SNX25: variants seen among roughly 807,000 people sequenced by gnomAD.
The protein encoded by SNX25 is sorting nexin 25.
SNX25 carries 62 observed loss-of-function variants against 113.7 expected under a neutral mutation model. That is an observed-to-expected ratio of 0.55 (90% CI 0.44 to 0.67). The LOEUF is 0.67. Among genes scored for constraint, SNX25 ranks in the 30% least tolerant of loss-of-function variants. The pLI, the probability that SNX25 is intolerant of heterozygous loss-of-function variation, is 0.00. For synonymous variants in SNX25, 421 were observed against 436.2 expected, an observed-to-expected ratio of 0.97 and a Z score of 0.43; for missense variants, 1,014 against 1,161.0, an observed-to-expected ratio of 0.87 and a Z score of 1.84.
intron 6 of SNX25, among the ~76,000 whole-genome samples, chr4:185,303,156 T>A (rs1175401100): frequency 6.6e-6 from 1 of 152,154 alleles, no homozygotes; most frequent in African/African-American, 2.4e-5. Flanking sequence ...CGTCCTGGGC[T>A]CCTGCTCACA....
At chr4:185,251,595 T>C (rs995623680) in intron 2 of SNX25, among the ~76,000 whole-genome samples, 31 of 125,198 alleles carry the variant, frequency 2.5e-4, no homozygotes, top group African/African-American at 8.4e-4. Flanking sequence ...TGATATTCCA[T>C]TGCGTGTGTG....
rs148713947 is a variant in SNX25, at chr4:185,345,908, A to T, written c.2188-629A>T. 7.0e-3 allele frequency among the ~76,000 whole-genome samples: 1,058 copies of T among 152,198 alleles called. 15 individuals are homozygous for T. The highest frequency in any genetic ancestry group is 0.024 in the African/African-American group (1,001 of 41,512). On this transcript the variant is annotated intron_variant, in intron 12 of 18. Transcript: ENST00000652585. ...GGTCTCACTCTGTCTCCCAGGCCCA[A>T]GTGCAGTGGTGCAACATCAGCTCAC...
upstream of SNX25, among the ~76,000 whole-genome samples, chr4:185,207,280 G>A (rs148417812): frequency 6.2e-4 from 87 of 139,796 alleles, no homozygotes; most frequent in East Asian, 3.8e-3. Flanking sequence ...GCAGTGGTGC[G>A]ATCTCGGCTC....
At chr4:185,239,101 A>G (rs550656118) in intron 1 of SNX25, among the ~76,000 whole-genome samples, 2 of 152,322 alleles carry the variant, frequency 1.3e-5, no homozygotes, top group African/African-American at 4.8e-5. Flanking sequence ...ACTCTGGAGT[A>G]AACAGAAAGC....
chr4:185,337,933 A>G (rs1304630848), intron 10 of SNX25, among the ~76,000 whole-genome samples: 1 of 152,164 alleles, frequency 6.6e-6, no homozygotes, highest in Non-Finnish European at 1.5e-5. Context: ...GGTGGTGAGC[A>G]TCCTTTCATG....
chr4:185,300,696 ATATT>A (rs61410078), intron 6 of SNX25, among the ~76,000 whole-genome samples: 11,393 of 152,088 alleles, frequency 0.075, 536 homozygotes, highest in East Asian at 0.2. Flanking sequence ...TATGGTTTGA[ATATT>A]TATGTCCCCC....
intron 15 of SNX25, 59 bp downstream of exon 15, chr4:185,353,661 A>G (rs912668333): frequency 1.6e-6 from 2 of 1,231,408 alleles, no homozygotes; most frequent in Admixed American, 3.4e-5. Context: ...ATATAATCGT[A>G]CATTCACATG....
At chr4:185,229,265 GA>G (rs565460089) in intron 1 of SNX25, among the ~76,000 whole-genome samples, 108 of 152,318 alleles carry the variant, frequency 7.1e-4, no homozygotes, top group African/African-American at 2.6e-3. Flanking sequence ...AGGCCGGGAG[GA>G]AGCTGAGAGC....
At chr4:185,356,374 A>G (rs1410812102) in intron 15 of SNX25, among the ~76,000 whole-genome samples, 3 of 152,140 alleles carry the variant, frequency 2.0e-5, no homozygotes, top group Non-Finnish European at 4.4e-5. Context: ...CCCTCTAGGT[A>G]TGAGCCACCT....
intron 1 of SNX25, among the ~76,000 whole-genome samples, chr4:185,224,528 CATATATATAA>C (rs1247889857): frequency 9.7e-6 from 1 of 103,458 alleles, no homozygotes; most frequent in East Asian, 2.4e-4. Context: ...AATATATATA[CATATATATAA>C]ATATATATAC....
intron 1 of SNX25, among the ~76,000 whole-genome samples, chr4:185,236,017 TG>T (rs1404749427): frequency 2.6e-5 from 4 of 152,218 alleles, no homozygotes; most frequent in African/African-American, 9.6e-5. Flanking sequence ...TTAACATTGT[TG>T]TCCCCCCTTG....
At chr4:185,211,366 T>C (rs896245123) in intron 1 of SNX25, among the ~76,000 whole-genome samples, 1 of 152,066 alleles carries the variant, frequency 6.6e-6, no homozygotes, top group Non-Finnish European at 1.5e-5. Flanking sequence ...TTAGAAGTGG[T>C]CTCAAAAATT....
intron 1 of SNX25, among the ~76,000 whole-genome samples, chr4:185,243,799 C>T (rs1453616202): frequency 3.3e-5 from 5 of 152,046 alleles, no homozygotes; most frequent in Admixed American, 2.0e-4. Context: ...AAGAAATATA[C>T]AGACACAGGG....
rs1318520344 is a variant in SNX25, at chr4:185,240,386, G to A, written c.430-6908G>A. Reference sequence around the variant, plus strand: ...CACCTCCCGGACGGGGCGGCTGGCCGGGCGGGGGGCTGACCCCCCCACCTC... The same window carrying A: ...CACCTCCCGGACGGGGCGGCTGGCCAGGCGGGGGGCTGACCCCCCCACCTC... On this transcript the variant is annotated intron_variant, in intron 1 of 18. Coordinates refer to ENST00000652585, the MANE Select transcript of SNX25 (RefSeq NM_001378034.2). 1.1e-4 allele frequency among the ~76,000 whole-genome samples: 17 copies of A among 150,466 alleles called. No individual in the cohort carries two copies. The South Asian group carries it at 2.7e-3, about 24-fold the overall frequency.
downstream of SNX25, chr4:185,374,068 CA>C (rs199694987): frequency 6.1e-6 from 8 of 1,312,654 alleles, no homozygotes; most frequent in South Asian, 3.8e-5. Flanking sequence ...ACCATTTTCT[CA>C]AAAAAAGCAG....
chr4:185,248,564 A>C (rs758834546), intron 2 of SNX25, among the ~76,000 whole-genome samples: 4 of 152,034 alleles, frequency 2.6e-5, no homozygotes, highest in Non-Finnish European at 5.9e-5. Flanking sequence ...AAGTGGGAGA[A>C]TTGCTTGAGC....
chr4:185,215,086 C>T (rs546227292), intron 1 of SNX25, among the ~76,000 whole-genome samples: 77 of 152,150 alleles, frequency 5.1e-4, no homozygotes, highest in Non-Finnish European at 6.9e-4. Context: ...AAAAATTAGC[C>T]GGGCGTGGTG....
chr4:185,276,773 C>T (rs1420354645), intron 5 of SNX25, among the ~76,000 whole-genome samples: 3 of 152,224 alleles, frequency 2.0e-5, no homozygotes, highest in African/African-American at 4.8e-5. Context: ...CTTTCCCCGC[C>T]GCCCTGTCTC....
chr4:185,296,062 C>G (rs1336958747), intron 6 of SNX25: 1 of 152,178 alleles, frequency 6.6e-6, no homozygotes, highest in Non-Finnish European at 1.5e-5. Context: ...CAGAATGGCA[C>G]CTTCTTATTA....
Sources: allele counts gnomAD v4.1 joint callset (sites outside exome capture counted in the v4.1 genomes callset), GRCh38; gene constraint gnomAD v4.1.1; transcripts MANE v1.5; gene names NCBI Gene and HGNC (gene_info 2026-07-23, HGNC 2026-07-21).